The following CHODL variants were observed in gnomAD, a reference collection of about 807,000 sequenced individuals.
CHODL encodes chondrolectin, also known as transmembrane protein MT75.
In CHODL, 29 loss-of-function variants were observed where a neutral mutation model predicts 34.5. That is an observed-to-expected ratio of 0.84 (90% confidence interval 0.63 to 1.15). The LOEUF is 1.15. CHODL is among the 50% of genes most tolerant of loss of function. The pLI is 0.00. For synonymous variants in CHODL, 125 were observed against 116.1 expected, an observed-to-expected ratio of 1.08 and a Z score of -0.49; for missense variants, 332 against 332.5, an observed-to-expected ratio of 1.00 and a Z score of 0.01.
chr21:18,184,722 C>T (rs1394362386), intron 2 of CHODL, among the ~76,000 whole-genome samples: 2 of 152,134 alleles, frequency 1.3e-5, no homozygotes, highest in Non-Finnish European at 2.9e-5. Flanking sequence ...TTTAGTACAT[C>T]AGGGGCAGAG....
intron 1 of CHODL, among the ~76,000 whole-genome samples, chr21:18,021,484 T>C (rs1481560015): frequency 1.3e-5 from 2 of 152,210 alleles, no homozygotes; most frequent in Non-Finnish European, 2.9e-5. Context: ...CTTGTTCTTC[T>C]TTCCCCACTG....
chr21:17,936,682 A>C (rs2063321618), intron 1 of CHODL, among the ~76,000 whole-genome samples: 1 of 152,252 alleles, frequency 6.6e-6, no homozygotes. Flanking sequence ...AAGTGGTAAA[A>C]TATGAGTTCT....
At chr21:17,935,782 G>C (rs540310788) in intron 1 of CHODL, among the ~76,000 whole-genome samples, 1 of 152,172 alleles carries the variant, frequency 6.6e-6, no homozygotes, top group East Asian at 1.9e-4. Context: ...GAGAAAGATT[G>C]TATCTTCTGA....
At chr21:18,151,271 A>G (rs1349104322) in intron 2 of CHODL, among the ~76,000 whole-genome samples, 2 of 151,594 alleles carry the variant, frequency 1.3e-5, no homozygotes, top group Non-Finnish European at 2.9e-5. Flanking sequence ...ATTAGATCAT[A>G]CTCTTTTTAT....
At chr21:18,243,575 G>T (rs1420480717), upstream of CHODL, among the ~76,000 whole-genome samples, 3 of 147,464 alleles carry the variant, frequency 2.0e-5, no homozygotes, top group African/African-American at 5.1e-5. Flanking sequence ...ACAGGATTTT[G>T]CATGTCCCCA....
chr21:17,922,335 A>C (rs572685437), intron 1 of CHODL, among the ~76,000 whole-genome samples: 3 of 152,184 alleles, frequency 2.0e-5, no homozygotes, highest in Admixed American at 1.3e-4. Flanking sequence ...GAAAATTTAC[A>C]ACATTGTTCC....
chr21:17,960,746 C>T (rs564613792), intron 1 of CHODL, among the ~76,000 whole-genome samples: 5 of 152,176 alleles, frequency 3.3e-5, no homozygotes, highest in Non-Finnish European at 5.9e-5. Flanking sequence ...TCCTACACAT[C>T]GATGGCTCCC....
chr21:18,118,205 C>T (rs2065436230), intron 2 of CHODL, among the ~76,000 whole-genome samples: 1 of 152,152 alleles, frequency 6.6e-6, no homozygotes, highest in African/African-American at 2.4e-5. Flanking sequence ...TCTTAATTCG[C>T]TCAGTAAATG....
chr21:17,986,408 T>G (rs1236606161), intron 1 of CHODL, among the ~76,000 whole-genome samples: 2 of 151,786 alleles, frequency 1.3e-5, no homozygotes, highest in African/African-American at 4.8e-5. Flanking sequence ...AGTGAGAACA[T>G]GAGGTGTTTG....
intron 2 of CHODL, among the ~76,000 whole-genome samples, chr21:18,222,958 A>C (rs1349796200): frequency 6.6e-6 from 1 of 152,250 alleles, no homozygotes; most frequent in Non-Finnish European, 1.5e-5. Flanking sequence ...CATATTAGAG[A>C]TATGAAACTA....
At chr21:18,232,967 A>ATATATG (rs1338275690) in intron 2 of CHODL, among the ~76,000 whole-genome samples, 2 of 139,200 alleles carry the variant, frequency 1.4e-5, no homozygotes, top group East Asian at 2.0e-4. Context: ...ATATATATAT[A>ATATATG]TATATGTATA....
chr21:18,207,602 G>T (rs1359357331), intron 2 of CHODL, among the ~76,000 whole-genome samples: 2 of 144,604 alleles, frequency 1.4e-5, no homozygotes, highest in Non-Finnish European at 3.0e-5. Flanking sequence ...CTCTTGGACT[G>T]AAGAACTCCC....
At chr21:18,146,324 G>A (rs73312496) in intron 2 of CHODL, among the ~76,000 whole-genome samples, 1 of 151,842 alleles carries the variant, frequency 6.6e-6, no homozygotes, top group Non-Finnish European at 1.5e-5. Context: ...CACCGTACCT[G>A]ATATGGTTTA....
chr21:17,956,309 C>T (rs2063493597), intron 1 of CHODL, among the ~76,000 whole-genome samples: 1 of 135,770 alleles, frequency 7.4e-6, no homozygotes, highest in African/African-American at 2.5e-5. Flanking sequence ...CCTGCCATGA[C>T]ACGCCTGCTC....
chr21:18,142,070 A>G (rs1388658880), intron 2 of CHODL, among the ~76,000 whole-genome samples: 1 of 152,182 alleles, frequency 6.6e-6, no homozygotes, highest in Non-Finnish European at 1.5e-5. Flanking sequence ...TTGTCAATAA[A>G]ACAAAACAAA....
At chr21:18,066,691 C>T (rs968353800) in intron 2 of CHODL, among the ~76,000 whole-genome samples, 8 of 152,088 alleles carry the variant, frequency 5.3e-5, no homozygotes, top group African/African-American at 1.9e-4. Context: ...TATTGGAAAT[C>T]CTAATCCTTA....
intron 2 of CHODL, among the ~76,000 whole-genome samples, chr21:18,202,511 T>TAG (rs2073666323): frequency 6.6e-6 from 1 of 152,158 alleles, no homozygotes; most frequent in Non-Finnish European, 1.5e-5. Context: ...TCTTCAGACA[T>TAG]AGAAAGAAGG....
intron 1 of CHODL, among the ~76,000 whole-genome samples, chr21:17,926,446 G>C (rs1935700984): frequency 6.6e-6 from 1 of 151,298 alleles, no homozygotes; most frequent in Non-Finnish European, 1.5e-5. Flanking sequence ...CCTGAGATTG[G>C]ATAGTTTATA....
intron 1 of CHODL, among the ~76,000 whole-genome samples, chr21:17,932,628 TAAGA>T (rs2063283610): frequency 1.3e-5 from 2 of 152,120 alleles, no homozygotes; most frequent in African/African-American, 4.8e-5. Flanking sequence ...CACTCACTCA[TAAGA>T]AAGAATAAAA....
Sources: allele counts gnomAD v4.1 joint callset (sites outside exome capture counted in the v4.1 genomes callset), GRCh38; gene constraint gnomAD v4.1.1; transcripts MANE v1.5; gene names NCBI Gene and HGNC (gene_info 2026-07-23, HGNC 2026-07-21).